The following EBF4 variants were observed in gnomAD, a reference collection of about 807,000 sequenced individuals.
EBF4 encodes transcription factor COE4.
EBF4 carries 34 observed loss-of-function variants against 67.1 expected under a neutral mutation model. That is an observed-to-expected ratio of 0.51 (90% confidence interval 0.39 to 0.67). The LOEUF is 0.67. Among genes scored for constraint, EBF4 ranks in the 30% least tolerant of loss-of-function variants. The pLI, the probability that EBF4 is intolerant of heterozygous loss-of-function variation, is 0.00. For synonymous variants in EBF4, 387 were observed against 377.7 expected, an observed-to-expected ratio of 1.02 and a Z score of -0.29; for missense variants, 837 against 873.3, an observed-to-expected ratio of 0.96 and a Z score of 0.52.
chr20:2,693,463 G>C (rs1015148542), upstream of EBF4: 6 of 602,072 alleles, frequency 1.0e-5, no homozygotes, highest in Non-Finnish European at 7.2e-6. The surrounding 1 kb of genome is among the most constrained non-coding windows in gnomAD (Gnocchi z 4.6). Flanking sequence ...GGACAGCGCC[G>C]GCGCCCGCGG....
chr20:2,750,159 C>T (rs939254104), intron 10 of EBF4, among the ~76,000 whole-genome samples, 186 bp downstream of exon 10: 1 of 152,112 alleles, frequency 6.6e-6, no homozygotes, highest in East Asian at 1.9e-4. Flanking sequence ...CCGTCTTTCC[C>T]TGGCTCTGTG....
In EBF4 at chr20:2,693,774, G is replaced by A. The variant is rs1461988483; in HGVS notation, c.129G>A (p.Ala43=). The A allele has an allele frequency of 1.7e-5, 22 of 1,330,066 alleles. No individual in the cohort carries two copies. The highest frequency in any genetic ancestry group is 3.1e-5 in the East Asian group (1 of 31,932). The allele number at this position is 1,330,066 out of a possible 1,614,324, so 82.4% of individuals were successfully genotyped here. A position where few individuals can be genotyped will look rare whatever the true frequency, so the allele number is the denominator to read the frequency against. ...CGGGCATCCTGGACGCCAGCACCGC[G>A]GCGCAGAGGTAAGCGCTCGGACCGG... is the stretch of plus-strand genomic sequence containing the variant. The change falls in exon 1 of 17, where the codon GCG becomes GCA. Residue 43 remains alanine (A), a synonymous_variant. Transcript: ENST00000609451. This position sits in a 1 kb window ranked among gnomAD's most constrained non-coding sequence, Gnocchi z 4.6.
At chr20:2,752,437 G>A (rs1336587476) in exon 14 of EBF4, 4 of 1,300,068 alleles carry the variant, frequency 3.1e-6, no homozygotes, top group African/African-American at 1.5e-5. Context: ...CTACGGCGGC[G>A]GCCTCGGAGC....
chr20:2,706,873 G>A (rs1483144019), intron 4 of EBF4, among the ~76,000 whole-genome samples: 2 of 152,222 alleles, frequency 1.3e-5, no homozygotes, highest in African/African-American at 2.4e-5. Flanking sequence ...TTCCACTGCA[G>A]ACCCTTGCAC....
chr20:2,716,077 G>T (rs1408442021), intron 6 of EBF4, among the ~76,000 whole-genome samples: 1 of 151,652 alleles, frequency 6.6e-6, no homozygotes, highest in East Asian at 1.9e-4. Context: ...TAAAAATCTT[G>T]CCAGGCACAA....
exon 14 of EBF4, chr20:2,752,414 C>G: frequency 7.7e-7 from 1 of 1,291,278 alleles, no homozygotes; most frequent in South Asian, 2.4e-5. Flanking sequence ...AGCCCCGGCT[C>G]GCAGCAGAGC....
chr20:2,700,586 C>T (rs1600198704), intron 1 of EBF4, among the ~76,000 whole-genome samples: 1 of 152,214 alleles, frequency 6.6e-6, no homozygotes, highest in South Asian at 2.1e-4. Flanking sequence ...TGTCCCCACA[C>T]ATCTGCACCC....
rs1197378636 is a variant in EBF4, at chr20:2,706,200, C to T, written c.359-9C>T. 52 of 1,552,018 alleles carry T rather than the reference C, an allele frequency of 3.4e-5. No homozygotes were observed. Among genetic ancestry groups the T allele is most frequent in the Non-Finnish European group, 4.4e-5 (51 of 1,147,100 alleles). On this transcript the variant is annotated splice_polypyrimidine_tract_variant and intron_variant, in intron 3 of 16. Transcript: ENST00000609451. ...CCAGCAGCAAGCCCTCTCCATCTTCCCATCCTAGGACTGCGGACAGAGCAA... is the reference window on the plus strand; with the variant it reads ...CCAGCAGCAAGCCCTCTCCATCTTCTCATCCTAGGACTGCGGACAGAGCAA...
At chr20:2,714,403 A>G (rs1436952239) in intron 6 of EBF4, among the ~76,000 whole-genome samples, 1 of 148,206 alleles carries the variant, frequency 6.7e-6, no homozygotes, top group African/African-American at 2.5e-5. Context: ...CCCAGGCTGG[A>G]GTGCAGTGGC....
At chr20:2,711,889 T>C (rs2146401035) in intron 6 of EBF4, among the ~76,000 whole-genome samples, 1 of 152,304 alleles carries the variant, frequency 6.6e-6, no homozygotes, top group African/African-American at 2.4e-5. Flanking sequence ...AAGGTCTCAC[T>C]GAAAAGATGA....
At chr20:2,743,096 A>G (rs1181136479) in intron 6 of EBF4, among the ~76,000 whole-genome samples, 1 of 152,054 alleles carries the variant, frequency 6.6e-6, no homozygotes, top group Non-Finnish European at 1.5e-5. Context: ...CTGTGCAGAC[A>G]TGGCTTGGAG....
chr20:2,716,465 G>T (rs1037877095), intron 6 of EBF4, among the ~76,000 whole-genome samples: 9 of 151,088 alleles, frequency 6.0e-5, no homozygotes, highest in Non-Finnish European at 1.0e-4. Context: ...GGAGGCGGAG[G>T]TTGTGGTGAG....
rs533509032 is a variant in EBF4 at position 2,745,914 on chromosome 20, T to C, written c.558-2635T>C. On this transcript the variant is annotated intron_variant, in intron 6 of 16. Coordinates refer to ENST00000609451, the Ensembl canonical transcript of EBF4. This position sits in a 1 kb window ranked among gnomAD's most constrained non-coding sequence, Gnocchi z 5.2. ...GCACATGTGTCATCTTTTGGTGCAG[T>C]CCTATGCTTGTCGCATCTTCAGTGG... is the stretch of plus-strand genomic sequence containing the variant. Among the ~76,000 whole-genome samples, 2 of 152,282 alleles carry C rather than the reference T, an allele frequency of 1.3e-5. No individual in the cohort carries two copies. Among genetic ancestry groups the C allele is most frequent in the South Asian group, 4.1e-4 (2 of 4,828 alleles).
At chr20:2,705,713 G>A (rs758037148) in exon 2 of EBF4, 19 of 1,550,970 alleles carry the variant, frequency 1.2e-5, no homozygotes, top group East Asian at 9.8e-5. Flanking sequence ...AGCCTTCATC[G>A]ACTTCGTGGA....
chr20:2,732,397 T>C (rs78114527), intron 6 of EBF4, among the ~76,000 whole-genome samples: 2 of 152,198 alleles, frequency 1.3e-5, no homozygotes, highest in Non-Finnish European at 2.9e-5. Context: ...GCGGGGGTTA[T>C]GGGCATGAGC....
intron 6 of EBF4, among the ~76,000 whole-genome samples, chr20:2,738,200 A>G (rs1050233740): frequency 6.6e-6 from 1 of 152,102 alleles, no homozygotes; most frequent in African/African-American, 2.4e-5. Flanking sequence ...TTCATAGATA[A>G]GAGGTGCCAA....
chr20:2,732,497 C>G (rs1055826668), intron 6 of EBF4, among the ~76,000 whole-genome samples: 5 of 152,180 alleles, frequency 3.3e-5, no homozygotes, highest in African/African-American at 1.2e-4. Context: ...ACATGTCCTT[C>G]TTTGTCTCTC....
chr20:2,755,439 T>C lies in EBF4; in HGVS notation c.1541-188T>C. The C allele has an allele frequency of 3.5e-6, 2 of 568,400 alleles. No homozygotes were observed. The highest frequency in any genetic ancestry group is 6.3e-6 in the Non-Finnish European group (2 of 319,624). 35.2% of individuals were successfully genotyped at this position (568,400 alleles called of 1,614,324 possible). A position where few individuals can be genotyped will look rare whatever the true frequency, so the allele number is the denominator to read the frequency against. ...TGTCATCCCCAGCCCCGAGAAAAGGTCTCCAGAACCGCTGAGAGGTCAGGG... is the reference window on the plus strand; with the variant it reads ...TGTCATCCCCAGCCCCGAGAAAAGGCCTCCAGAACCGCTGAGAGGTCAGGG... On this transcript the variant is annotated intron_variant, in intron 14 of 16. Transcript: ENST00000609451. The surrounding 1 kb of genome is among the most constrained non-coding windows in gnomAD (Gnocchi z 4.7).
chr20:2,714,952 T>A (rs901803508), intron 6 of EBF4, among the ~76,000 whole-genome samples: 13 of 152,182 alleles, frequency 8.5e-5, no homozygotes, highest in Admixed American at 7.9e-4. Context: ...ATCTTGTTAC[T>A]ATATCCTATA....
Sources: allele counts gnomAD v4.1 joint callset (sites outside exome capture counted in the v4.1 genomes callset), GRCh38; gene constraint gnomAD v4.1.1; non-coding constraint Gnocchi (gnomAD v3.1); transcripts MANE v1.5; gene names NCBI Gene and HGNC (gene_info 2026-07-23, HGNC 2026-07-21).